Variants in PLA2G4A observed in about 807,000 individuals in gnomAD.
PLA2G4A encodes the protein cytosolic phospholipase A2.
PLA2G4A carries 40 observed loss-of-function variants against 81.9 expected under a neutral mutation model. That is an observed-to-expected ratio of 0.49 (90% CI 0.38 to 0.64). The LOEUF is 0.64. PLA2G4A is among the 30% of genes least tolerant of loss of function. The pLI is 0.00. For missense variants in PLA2G4A, 715 were observed against 905.1 expected, an observed-to-expected ratio of 0.79 and a Z score of 2.69; for synonymous variants, 302 against 296.9, an observed-to-expected ratio of 1.02 and a Z score of -0.18.
chr1:186,842,073 C>T (rs1223642398), intron 1 of PLA2G4A, among the ~76,000 whole-genome samples: 3 of 139,532 alleles, frequency 2.2e-5, no homozygotes, highest in African/African-American at 5.4e-5. Flanking sequence ...GATGGAGTCT[C>T]TCTCTGTTGC....
At chr1:186,870,347 T>G in intron 2 of PLA2G4A, 88 bp from the exon 3 acceptor site, 1 of 800,304 alleles carries the variant, frequency 1.2e-6, no homozygotes, top group South Asian at 1.4e-5. Context: ...TACTTGTTTT[T>G]AAGTAGAATA....
intron 1 of PLA2G4A, among the ~76,000 whole-genome samples, chr1:186,838,496 C>T (rs905330757): frequency 6.6e-6 from 1 of 152,052 alleles, no homozygotes; most frequent in African/African-American, 2.4e-5. Context: ...GGCTGATTTC[C>T]AGCTCTAGTA....
At chr1:186,899,341 G>A (rs374945541) in intron 5 of PLA2G4A, among the ~76,000 whole-genome samples, 4 of 152,124 alleles carry the variant, frequency 2.6e-5, no homozygotes, top group Admixed American at 6.5e-5. Flanking sequence ...AGGAGATAAG[G>A]TCAGAGAGGT....
intron 5 of PLA2G4A, among the ~76,000 whole-genome samples, chr1:186,897,297 T>C (rs1002623299): frequency 6.6e-6 from 1 of 151,828 alleles, no homozygotes; most frequent in Admixed American, 6.6e-5. Context: ...TCACTTGGAG[T>C]CGAAACTGGG....
intron 5 of PLA2G4A, 23 bp from the exon 6 acceptor site, chr1:186,906,942 C>G (rs746016737): frequency 1.3e-5 from 17 of 1,330,978 alleles, no homozygotes; most frequent in African/African-American, 4.3e-5. Flanking sequence ...ATGACCTAAT[C>G]TGATTAACAT....
At chr1:186,965,234 T>C (rs1657090337) in intron 14 of PLA2G4A, among the ~76,000 whole-genome samples, 175 bp from the exon 15 acceptor site, 1 of 152,214 alleles carries the variant, frequency 6.6e-6, no homozygotes, top group Admixed American at 6.5e-5. Context: ...AAACTAAGAC[T>C]TAAAGGTAAT....
rs1656520064 is a variant in PLA2G4A, at chr1:186,950,581, A to G, written c.1265-76A>G. On this transcript the variant is annotated intron_variant, in intron 12 of 17. Transcript: ENST00000367466. ...GATCTCACTCTGTGGTTTTGCTCAG[A>G]TTACTTTTTTATATTAAAATTAATT... is the stretch of plus-strand genomic sequence containing the variant. 6.4e-6 allele frequency: 5 copies of G among 786,506 alleles called. No homozygotes were observed. The Admixed American group carries it at 8.9e-5, about 14-fold the overall frequency. The allele number at this position is 786,506 out of a possible 1,614,324, so 48.7% of individuals were successfully genotyped here.
intron 5 of PLA2G4A, among the ~76,000 whole-genome samples, chr1:186,902,859 G>A (rs1176595378): frequency 1.4e-5 from 2 of 139,262 alleles, no homozygotes; most frequent in African/African-American, 5.4e-5. Flanking sequence ...ACACCCTAGT[G>A]ATTAAAAAGC....
intron 2 of PLA2G4A, among the ~76,000 whole-genome samples, chr1:186,866,523 A>G (rs1653035850): frequency 6.6e-6 from 1 of 152,186 alleles, no homozygotes; most frequent in Non-Finnish European, 1.5e-5. Context: ...GTTGGTGTCT[A>G]GTAGAATGTA....
intron 7 of PLA2G4A, among the ~76,000 whole-genome samples, chr1:186,931,732 G>T (rs1655752798): frequency 6.6e-6 from 1 of 151,988 alleles, no homozygotes; most frequent in Admixed American, 6.6e-5. Flanking sequence ...ATATTGGTAA[G>T]TGGCCACTCA....
rs192572361 is a variant in PLA2G4A at position 186,868,379 on chromosome 1, G to A, written c.34-2056G>A. 1.9e-3 allele frequency among the ~76,000 whole-genome samples: 293 copies of A among 152,174 alleles called. 4 individuals are homozygous for A. Among genetic ancestry groups the A allele is most frequent in the African/African-American group, 6.9e-3 (285 of 41,526 alleles). On this transcript the variant is annotated intron_variant, in intron 2 of 17. Coordinates refer to ENST00000367466, the MANE Select transcript of PLA2G4A (RefSeq NM_024420.3). ...AGGCGTGAGCCATTGGGCCCCGCCC[G>A]GTGTCTAATTCTTTTTCTATGTTGT...
chr1:186,830,565 G>A (rs1237812251), intron 1 of PLA2G4A, among the ~76,000 whole-genome samples: 2 of 125,578 alleles, frequency 1.6e-5, no homozygotes, highest in African/African-American at 3.1e-5. Flanking sequence ...CCAAGATCGC[G>A]CCATTGCACT....
chr1:186,912,035 A>G, intron 7 of PLA2G4A, among the ~76,000 whole-genome samples: 1 of 152,136 alleles, frequency 6.6e-6, no homozygotes, highest in East Asian at 1.9e-4. Context: ...ACAATTGCCC[A>G]CCTTCCACCT....
intron 10 of PLA2G4A, among the ~76,000 whole-genome samples, chr1:186,943,454 C>A (rs1656228691): frequency 6.6e-6 from 1 of 152,000 alleles, no homozygotes; most frequent in Non-Finnish European, 1.5e-5. Context: ...AGTATTTTTC[C>A]TCAAGAAAGT....
At chr1:186,893,219 A>T (rs1654208852) in intron 4 of PLA2G4A, 60 bp downstream of exon 4, 2 of 1,442,702 alleles carry the variant, frequency 1.4e-6, no homozygotes, top group Non-Finnish European at 2.0e-6. Flanking sequence ...GACATGCTTG[A>T]GTTTGTCCTT....
At chr1:186,970,417 C>G (rs927270754) in intron 15 of PLA2G4A, among the ~76,000 whole-genome samples, 3 of 151,938 alleles carry the variant, frequency 2.0e-5, no homozygotes, top group Admixed American at 6.6e-5. Flanking sequence ...TTGATGTGAT[C>G]CCATTTGTTC....
intron 2 of PLA2G4A, among the ~76,000 whole-genome samples, chr1:186,868,562 T>C (rs1653121450): frequency 6.6e-6 from 1 of 152,228 alleles, no homozygotes; most frequent in Non-Finnish European, 1.5e-5. Flanking sequence ...CCCTCTGCTT[T>C]TATCTTCTGG....
At chr1:186,878,230 A>G (rs1213231405) in intron 3 of PLA2G4A, among the ~76,000 whole-genome samples, 1 of 141,682 alleles carries the variant, frequency 7.1e-6, no homozygotes, top group African/African-American at 2.6e-5. Flanking sequence ...TATATTTTAT[A>G]TATATCTATA....
chr1:186,976,067 C>T (rs1282407522), intron 15 of PLA2G4A, among the ~76,000 whole-genome samples: 1 of 152,124 alleles, frequency 6.6e-6, no homozygotes, highest in African/African-American at 2.4e-5. Flanking sequence ...AAAGTCTCAC[C>T]TTGTATTTTT....
Sources: gnomAD v4.1 joint callset for allele counts (sites outside exome capture counted in the v4.1 genomes callset) on GRCh38, gnomAD v4.1.1 for gene constraint, MANE v1.5 for transcripts, NCBI Gene and HGNC (gene_info 2026-07-23, HGNC 2026-07-21) for gene names.